RGS7: variants seen among roughly 807,000 people sequenced by gnomAD.
RGS7 encodes the protein regulator of G-protein signaling 7.
In RGS7, 27 loss-of-function variants were observed where a neutral mutation model predicts 81.1. The observed-to-expected ratio is 0.33, with a 90% CI of 0.25 to 0.46. The LOEUF (loss-of-function observed/expected upper bound fraction) is 0.46, where lower values mean the gene tolerates loss of function less well. Among genes scored for constraint, RGS7 ranks in the 20% least tolerant of loss-of-function variants. The pLI is 1.00. For synonymous variants in RGS7, 208 were observed against 207.7 expected (o/e 1.00, Z -0.01); for missense variants, 396 against 607.4 (o/e 0.65, Z 3.66).
intron 2 of RGS7, among the ~76,000 whole-genome samples, chr1:241,167,259 A>T (rs1028976521): frequency 3.3e-5 from 5 of 152,186 alleles, no homozygotes; most frequent in African/African-American, 1.2e-4. Flanking sequence ...GAATACATAC[A>T]AATACGTGTT....
At chr1:240,844,466 G>A (rs1204648219) in intron 9 of RGS7, among the ~76,000 whole-genome samples, 3 of 152,116 alleles carry the variant, frequency 2.0e-5, no homozygotes, top group Non-Finnish European at 4.4e-5. Context: ...AGAAATCTGG[G>A]CTCATGATTT....
chr1:240,854,370 T>A (rs1055147984), intron 9 of RGS7, among the ~76,000 whole-genome samples: 4 of 152,202 alleles, frequency 2.6e-5, no homozygotes, highest in Non-Finnish European at 5.9e-5. Flanking sequence ...AATTTAAAAA[T>A]TTGAATTCAG....
chr1:240,914,543 C>G (rs1444921992), intron 6 of RGS7, among the ~76,000 whole-genome samples: 1 of 152,064 alleles, frequency 6.6e-6, no homozygotes, highest in Non-Finnish European at 1.5e-5. Flanking sequence ...TTTAAGTATC[C>G]CATTACTCTC....
chr1:240,901,365 C>A (rs909039047), intron 6 of RGS7, among the ~76,000 whole-genome samples: 1 of 152,170 alleles, frequency 6.6e-6, no homozygotes, highest in Admixed American at 6.5e-5. Flanking sequence ...CCGTCTTCTG[C>A]GTCGCTCATG....
intron 2 of RGS7, among the ~76,000 whole-genome samples, chr1:241,316,599 A>G (rs2080892881): frequency 6.6e-6 from 1 of 152,224 alleles, no homozygotes; most frequent in South Asian, 2.1e-4. Context: ...TTGCATCCCA[A>G]CGACAAATCC....
intron 9 of RGS7, among the ~76,000 whole-genome samples, chr1:240,834,757 C>T (rs577314661): frequency 2.0e-5 from 3 of 152,218 alleles, no homozygotes; most frequent in Admixed American, 1.3e-4. Context: ...GTGATCCGCC[C>T]GCCTCGGCCT....
At chr1:240,779,099 TTGTGTGTGTGTGTG>T (rs71172643) in intron 18 of RGS7, among the ~76,000 whole-genome samples, 12 of 144,194 alleles carry the variant, frequency 8.3e-5, no homozygotes, top group African/African-American at 1.8e-4. Context: ...TTAGTGTTCT[TTGTGTGTGTGTGTG>T]TGTGTGTGTG....
At chr1:241,278,936 T>C (rs995229424) in intron 2 of RGS7, among the ~76,000 whole-genome samples, 5 of 152,150 alleles carry the variant, frequency 3.3e-5, no homozygotes, top group African/African-American at 4.8e-5. Flanking sequence ...GAGAAAAGAA[T>C]GGAAGCAGGA....
At chr1:240,998,534 G>A (rs1157672241) in intron 3 of RGS7, 6 of 934,830 alleles carry the variant, frequency 6.4e-6, no homozygotes, top group Non-Finnish European at 1.0e-5. Flanking sequence ...AGCTGGAGCA[G>A]CAGCAGCAGA....
intron 4 of RGS7, among the ~76,000 whole-genome samples, chr1:240,946,652 T>A (rs1678656459): frequency 6.6e-6 from 1 of 152,112 alleles, no homozygotes; most frequent in Non-Finnish European, 1.5e-5. Flanking sequence ...CAAGAAAATA[T>A]GGTTTCATAA....
intron 2 of RGS7, among the ~76,000 whole-genome samples, chr1:241,246,038 A>G (rs1008204009): frequency 1.3e-5 from 2 of 152,032 alleles, no homozygotes; most frequent in Non-Finnish European, 2.9e-5. Context: ...TGGGAGGTGG[A>G]GCTTGCAATG....
chr1:240,894,652 T>A (rs1240223962), intron 6 of RGS7, among the ~76,000 whole-genome samples: 1 of 149,706 alleles, frequency 6.7e-6, no homozygotes, highest in Non-Finnish European at 1.5e-5. Flanking sequence ...TTTTTTCTAA[T>A]ATTATCTAGC....
chr1:241,056,236 G>A (rs887434138), intron 3 of RGS7, among the ~76,000 whole-genome samples: 3 of 152,036 alleles, frequency 2.0e-5, no homozygotes, highest in African/African-American at 7.3e-5. Flanking sequence ...TAGACATTTT[G>A]TATGTATGCT....
chr1:241,089,386 A>G (rs559060646), intron 3 of RGS7, among the ~76,000 whole-genome samples: 1 of 151,968 alleles, frequency 6.6e-6, no homozygotes, highest in Admixed American at 6.6e-5. Flanking sequence ...GGTAAAGGCA[A>G]TTGAGAAACA....
intron 16 of RGS7, 90 bp from the exon 17 acceptor site, chr1:240,801,598 A>G (rs183864139): frequency 1.9e-5 from 17 of 914,878 alleles, no homozygotes; most frequent in African/African-American, 3.3e-5. Flanking sequence ...AGAAAAAGAC[A>G]GGATAATGAA....
rs539063716 is a variant in RGS7, at chr1:241,055,422, C to T, written c.175+43244G>A. Among the ~76,000 whole-genome samples, 2 of 152,282 alleles carry T rather than the reference C, an allele frequency of 1.3e-5. 1 individual carries two copies. The highest frequency in any genetic ancestry group is 4.1e-4 in the South Asian group (2 of 4,820). On this transcript the variant is annotated intron_variant, in intron 3 of 18. Transcript: ENST00000440928. ...TCAGGGAAACACTTTCACTTATGGT[C>T]ATTCATTATTATAAAGGATATTACA...
intron 2 of RGS7, among the ~76,000 whole-genome samples, chr1:241,350,171 T>C (rs2083147370): frequency 6.6e-6 from 1 of 152,140 alleles, no homozygotes; most frequent in South Asian, 2.1e-4. Context: ...TTATCCAAAA[T>C]TCATCATTAA....
Position 241,304,288 on chromosome 1 carries a change from C to T in RGS7, c.78+51411G>A, listed in dbSNP as rs563589214. Among the ~76,000 whole-genome samples the T allele has an allele frequency of 7.9e-5, 12 of 152,138 alleles. No individual in the cohort carries two copies. In the East Asian group the frequency reaches 1.2e-3, roughly 15 times the overall value. ...GTAGAAAAGACTCTAGAGGCAAGTT[C>T]GCAAGTGTGAAAATAGAGAAATAAT... On this transcript the variant is annotated intron_variant, in intron 2 of 18. Coordinates refer to ENST00000440928, the MANE Select transcript of RGS7 (RefSeq NM_001364886.1).
intron 4 of RGS7, among the ~76,000 whole-genome samples, chr1:240,950,151 T>C (rs1258062373): frequency 6.6e-6 from 1 of 152,128 alleles, no homozygotes; most frequent in Non-Finnish European, 1.5e-5. Context: ...AGACTCAGTG[T>C]GAACTAGCTT....
Sources: gnomAD v4.1 joint callset for allele counts (sites outside exome capture counted in the v4.1 genomes callset) on GRCh38, gnomAD v4.1.1 for gene constraint, MANE v1.5 for transcripts, NCBI Gene and HGNC (gene_info 2026-07-23, HGNC 2026-07-21) for gene names.